The following PPM1H variants were observed in gnomAD, a reference collection of about 807,000 sequenced individuals.
The protein encoded by PPM1H is protein phosphatase, Mg2+/Mn2+ dependent 1H.
Under a neutral mutation model 54.9 loss-of-function variants are expected in PPM1H, and 27 were observed. The ratio of observed to expected loss-of-function variants is 0.49; its 90% CI spans 0.36 to 0.68. PPM1H has a LOEUF of 0.68. PPM1H is among the 30% of genes least tolerant of loss of function. The pLI, the probability that PPM1H is intolerant of heterozygous loss-of-function variation, is 0.00. For missense variants in PPM1H, 596 were observed against 667.8 expected, an observed-to-expected ratio of 0.89 and a Z score of 1.19; for synonymous variants, 305 against 270.8, an observed-to-expected ratio of 1.13 and a Z score of -1.24.
At chr12:62,754,728 T>C (rs1361762195) in intron 4 of PPM1H, among the ~76,000 whole-genome samples, 1 of 152,236 alleles carries the variant, frequency 6.6e-6, no homozygotes, top group Non-Finnish European at 1.5e-5. Flanking sequence ...AAAGAAATGT[T>C]AAGCCATAGT....
chr12:62,666,351 T>C (rs1261880678), intron 9 of PPM1H, among the ~76,000 whole-genome samples: 6 of 151,290 alleles, frequency 4.0e-5, no homozygotes, highest in Non-Finnish European at 7.4e-5. Flanking sequence ...ACTTGTGTTC[T>C]AGATAAAGCT....
intron 4 of PPM1H, among the ~76,000 whole-genome samples, chr12:62,769,850 G>T (rs1344667265): frequency 1.3e-5 from 2 of 152,170 alleles, no homozygotes; most frequent in African/African-American, 4.8e-5. Flanking sequence ...GGCGAAAAGT[G>T]GGCTGGAGGG....
At chr12:62,888,816 A>G (rs1049728183) in intron 1 of PPM1H, among the ~76,000 whole-genome samples, 1 of 152,190 alleles carries the variant, frequency 6.6e-6, no homozygotes, top group African/African-American at 2.4e-5. Flanking sequence ...GATCCCCACA[A>G]TTAAGTCCAT....
chr12:62,720,226 G>A lies in PPM1H; in HGVS notation c.1018C>T (p.Gln340Ter). 3 of 1,613,752 alleles carry A rather than the reference G, an allele frequency of 1.9e-6. No homozygotes were observed. The highest frequency in any genetic ancestry group is 2.5e-6 in the Non-Finnish European group (3 of 1,179,716). The change falls in exon 6 of 10, where the codon CAG becomes TAG. Residue 340 changes from glutamine to a stop codon, truncating the protein, a stop_gained. Coordinates refer to ENST00000228705, the MANE Select transcript of PPM1H (RefSeq NM_020700.2). LOFTEE classifies it high-confidence loss of function. ...FTHLEFPRRV[Q>*]RKELGKKMLY... ...ATCTTCTTTCCAAGCTCCTTTCTCT[G>A]TACTCTCCTTGGAAACTCCAAATGT...
chr12:62,741,625 C>T (rs1424315643), intron 4 of PPM1H, among the ~76,000 whole-genome samples: 2 of 152,154 alleles, frequency 1.3e-5, no homozygotes, highest in Non-Finnish European at 2.9e-5. Context: ...CCCTCCATGC[C>T]CCTTCTCTGT....
chr12:62,930,702 C>G (rs1872105708), intron 1 of PPM1H, among the ~76,000 whole-genome samples: 2 of 151,322 alleles, frequency 1.3e-5, no homozygotes, highest in African/African-American at 4.8e-5. Flanking sequence ...CGCCTGGTCT[C>G]TGGGTCAGAC....
chr12:62,930,554 A>C (rs1872100189), intron 1 of PPM1H, among the ~76,000 whole-genome samples: 1 of 152,206 alleles, frequency 6.6e-6, no homozygotes, highest in South Asian at 2.1e-4. Flanking sequence ...GGCATCTCTA[A>C]GACCAACTGT....
intron 2 of PPM1H, among the ~76,000 whole-genome samples, chr12:62,815,557 A>G (rs1592613354): frequency 6.6e-6 from 1 of 152,326 alleles, no homozygotes; most frequent in East Asian, 1.9e-4. Context: ...TATGGAAAAA[A>G]CATAAGTACT....
chr12:62,871,204 T>G (rs1243056918), intron 1 of PPM1H, among the ~76,000 whole-genome samples: 17 of 152,224 alleles, frequency 1.1e-4, no homozygotes, highest in Admixed American at 1.1e-3. Context: ...GGAATATTAT[T>G]CAGCCATAAA....
intron 1 of PPM1H, among the ~76,000 whole-genome samples, chr12:62,907,784 T>C (rs80324386): frequency 0.011 from 1,657 of 152,252 alleles, 19 homozygotes; most frequent in Middle Eastern, 0.054. Context: ...CATACCAGCC[T>C]GCACTTCAGT....
chr12:62,823,414 T>C (rs2076916284), intron 2 of PPM1H, among the ~76,000 whole-genome samples: 1 of 152,194 alleles, frequency 6.6e-6, no homozygotes, highest in Non-Finnish European at 1.5e-5. Flanking sequence ...ATCATCCTGA[T>C]ACCAAAGCCT....
intron 2 of PPM1H, among the ~76,000 whole-genome samples, chr12:62,821,490 A>C (rs2076902763): frequency 6.6e-6 from 1 of 152,194 alleles, no homozygotes; most frequent in Non-Finnish European, 1.5e-5. Flanking sequence ...CCAAGGTTGA[A>C]ATGAAGGAAA....
chr12:62,791,067 G>A (rs553319678), intron 3 of PPM1H, among the ~76,000 whole-genome samples: 1 of 152,184 alleles, frequency 6.6e-6, no homozygotes, highest in South Asian at 2.1e-4. Flanking sequence ...ATGGACAAAT[G>A]AAGAAATAAA....
At chr12:62,809,216 A>C (rs1178625388) in intron 2 of PPM1H, among the ~76,000 whole-genome samples, 1 of 152,032 alleles carries the variant, frequency 6.6e-6, no homozygotes, top group Non-Finnish European at 1.5e-5. Context: ...ACACCAGGCT[A>C]ATTTTTGTAC....
chr12:62,879,379 T>C (rs1870307888), intron 1 of PPM1H, among the ~76,000 whole-genome samples: 1 of 152,166 alleles, frequency 6.6e-6, no homozygotes, highest in East Asian at 1.9e-4. Flanking sequence ...CCACCAAAGA[T>C]AGACTGGATA....
chr12:62,819,211 C>T (rs1451685585), intron 2 of PPM1H, among the ~76,000 whole-genome samples: 1 of 148,148 alleles, frequency 6.8e-6, no homozygotes, highest in African/African-American at 2.5e-5. Flanking sequence ...CTCACTGCAA[C>T]CTCTGCCCTC....
chr12:62,929,990 G>A (rs997162293), intron 1 of PPM1H, among the ~76,000 whole-genome samples: 1 of 152,116 alleles, frequency 6.6e-6, no homozygotes, highest in African/African-American at 2.4e-5. Context: ...AGTAAGAGGG[G>A]CAGGTATGCC....
intron 6 of PPM1H, among the ~76,000 whole-genome samples, chr12:62,707,607 A>G (rs892047836): frequency 2.0e-5 from 3 of 152,250 alleles, no homozygotes; most frequent in African/African-American, 7.2e-5. Flanking sequence ...AGAGATTCTA[A>G]TTCAGCAGAT....
chr12:62,752,159 T>A (rs773571602), intron 4 of PPM1H, among the ~76,000 whole-genome samples: 19 of 152,226 alleles, frequency 1.2e-4, no homozygotes, highest in Non-Finnish European at 2.4e-4. Context: ...TGAGAATCAA[T>A]TTTCCCCACT....
Sources: gnomAD v4.1 joint callset for allele counts (sites outside exome capture counted in the v4.1 genomes callset) on GRCh38, gnomAD v4.1.1 for gene constraint, MANE v1.5 for transcripts, NCBI Gene and HGNC (gene_info 2026-07-23, HGNC 2026-07-21) for gene names.